The following TMTC2 variants were observed in gnomAD, a reference collection of about 807,000 sequenced individuals.
TMTC2 encodes protein O-mannosyl-transferase TMTC2.
A neutral mutation model predicts 82.4 loss-of-function variants in TMTC2; 43 were observed. The ratio of observed to expected loss-of-function variants is 0.52; its 90% CI spans 0.41 to 0.67. TMTC2 has a LOEUF of 0.67. Among genes scored for constraint, TMTC2 ranks in the 30% least tolerant of loss-of-function variants. The probability of loss-of-function intolerance (pLI) is 0.00; values close to 1 mark genes in which losing one functional copy is unlikely to be tolerated. For synonymous variants in TMTC2, 408 were observed against 381.9 expected (o/e 1.07, Z -0.80); for missense variants, 919 against 1,012.4 (o/e 0.91, Z 1.25).
intron 9 of TMTC2, among the ~76,000 whole-genome samples, chr12:83,034,987 A>G (rs938931116): frequency 1.3e-5 from 2 of 152,192 alleles, no homozygotes; most frequent in African/African-American, 4.8e-5. Context: ...CAACTTAAAA[A>G]TAAATGTTTA....
intron 3 of TMTC2, among the ~76,000 whole-genome samples, chr12:82,925,244 G>A (rs1195254961): frequency 6.6e-6 from 1 of 151,890 alleles, no homozygotes; most frequent in East Asian, 1.9e-4. Context: ...TTATTTTATT[G>A]TATAGATCCC....
At chr12:82,795,409 T>C (rs1204456359) in intron 1 of TMTC2, among the ~76,000 whole-genome samples, 1 of 152,064 alleles carries the variant, frequency 6.6e-6, no homozygotes, top group Non-Finnish European at 1.5e-5. Context: ...CAGTCATATG[T>C]TGATATCATG....
At chr12:82,847,566 C>A (rs921855644) in intron 1 of TMTC2, among the ~76,000 whole-genome samples, 3 of 152,080 alleles carry the variant, frequency 2.0e-5, no homozygotes, top group African/African-American at 4.8e-5. Flanking sequence ...CAGTGATAAA[C>A]TGGATTAAGA....
intron 8 of TMTC2, among the ~76,000 whole-genome samples, chr12:82,993,776 C>T (rs575888934): frequency 2.6e-5 from 4 of 152,158 alleles, no homozygotes; most frequent in African/African-American, 7.2e-5. Flanking sequence ...GGCTGGCGTG[C>T]GGGTGGTAAA....
chr12:82,865,925 G>A (rs568298460), intron 2 of TMTC2, among the ~76,000 whole-genome samples: 2,163 of 152,198 alleles, frequency 0.014, 59 homozygotes, highest in African/African-American at 0.05. Context: ...GGTACATAAC[G>A]AAATGAAGGC....
At chr12:83,040,085 G>A (rs1023102225) in intron 9 of TMTC2, among the ~76,000 whole-genome samples, 27 of 152,166 alleles carry the variant, frequency 1.8e-4, no homozygotes, top group Non-Finnish European at 3.4e-4. Context: ...GCATATTTTT[G>A]TCAGTTCCTG....
chr12:82,984,148 T>C (rs1436069217), intron 7 of TMTC2, among the ~76,000 whole-genome samples: 1 of 152,122 alleles, frequency 6.6e-6, no homozygotes, highest in Non-Finnish European at 1.5e-5. Context: ...AGTATTTCTT[T>C]TGTCTTTCCT....
chr12:82,740,810 A>G (rs765244307), intron 1 of TMTC2, among the ~76,000 whole-genome samples: 11 of 152,178 alleles, frequency 7.2e-5, no homozygotes, highest in South Asian at 6.2e-4. Context: ...ACAGTTGCCT[A>G]CCTTTCTTTG....
At chr12:82,984,856 T>C (rs1879086065) in intron 7 of TMTC2, among the ~76,000 whole-genome samples, 1 of 152,118 alleles carries the variant, frequency 6.6e-6, no homozygotes. Flanking sequence ...TTTTTTATCC[T>C]GCTCTGCTGT....
intron 4 of TMTC2, among the ~76,000 whole-genome samples, chr12:82,959,691 TTAAGTG>T (rs1179269775): frequency 6.6e-6 from 1 of 152,074 alleles, no homozygotes; most frequent in Non-Finnish European, 1.5e-5. Flanking sequence ...GATTAAAGAT[TTAAGTG>T]TAAGTCCTCA....
At chr12:82,993,788 G>C (rs1324057340) in intron 8 of TMTC2, among the ~76,000 whole-genome samples, 1 of 152,146 alleles carries the variant, frequency 6.6e-6, no homozygotes, top group African/African-American at 2.4e-5. Context: ...GGTGGTAAAG[G>C]AATTTACCAA....
At chr12:82,871,255 A>G (rs922534587) in intron 2 of TMTC2, among the ~76,000 whole-genome samples, 1 of 152,164 alleles carries the variant, frequency 6.6e-6, no homozygotes, top group African/African-American at 2.4e-5. Context: ...CAGAGAGAGA[A>G]TCTCATCTCA....
At chr12:83,111,808 G>A (rs1884609196) in intron 11 of TMTC2, among the ~76,000 whole-genome samples, 1 of 151,886 alleles carries the variant, frequency 6.6e-6, no homozygotes, top group African/African-American at 2.4e-5. Flanking sequence ...AAGAATATTG[G>A]GTGTAATTGA....
chr12:82,735,892 G>C (rs1875094658), intron 1 of TMTC2, among the ~76,000 whole-genome samples: 1 of 152,056 alleles, frequency 6.6e-6, no homozygotes, highest in Non-Finnish European at 1.5e-5. Flanking sequence ...AGAACCGCTT[G>C]AACCCGGGAG....
intron 11 of TMTC2, among the ~76,000 whole-genome samples, chr12:83,129,928 T>C (rs1439319604): frequency 6.6e-6 from 1 of 152,168 alleles, no homozygotes; most frequent in East Asian, 1.9e-4. Flanking sequence ...AACCTCTGAG[T>C]GTTTTTAATA....
At position 82,908,966 on chromosome 12, in the gene TMTC2, G is replaced by A. The variant is rs560840014; in HGVS notation, c.1483+12320G>A. ...TCTAAAAATCTCTGCTACAATTGTA[G>A]TTTTAAAAGTGTTTTTGCTTGGATA... On this transcript the variant is annotated intron_variant, in intron 3 of 11. Transcript: ENST00000321196. Among the ~76,000 whole-genome samples the A allele has an allele frequency of 3.9e-5, 6 of 152,272 alleles. No individual in the cohort carries two copies. In the East Asian group the frequency reaches 1.2e-3, roughly 29 times the overall value.
intron 4 of TMTC2, among the ~76,000 whole-genome samples, chr12:82,959,212 G>A (rs114168076): frequency 1.1e-3 from 166 of 152,250 alleles, no homozygotes; most frequent in African/African-American, 3.8e-3. Context: ...CCATGCTTAT[G>A]AGTTGGAAGA....
intron 8 of TMTC2, among the ~76,000 whole-genome samples, chr12:83,026,409 AAT>A (rs1881178133): frequency 6.6e-6 from 1 of 152,108 alleles, no homozygotes; most frequent in African/African-American, 2.4e-5. Flanking sequence ...AATATACAAA[AAT>A]ATATATACAT....
intron 11 of TMTC2, among the ~76,000 whole-genome samples, chr12:83,090,128 G>A (rs1883796048): frequency 6.6e-6 from 1 of 152,184 alleles, no homozygotes; most frequent in Non-Finnish European, 1.5e-5. Context: ...CTGTAGTTTG[G>A]ATGTTTTAAG....
Sources: gnomAD v4.1 joint callset for allele counts (sites outside exome capture counted in the v4.1 genomes callset) on GRCh38, gnomAD v4.1.1 for gene constraint, MANE v1.5 for transcripts, NCBI Gene and HGNC (gene_info 2026-07-23, HGNC 2026-07-21) for gene names.